The following CSMD1 variants were observed in gnomAD, a reference collection of about 807,000 sequenced individuals.
CSMD1 encodes the protein CUB and sushi domain-containing protein 1.
A neutral mutation model predicts 417.5 loss-of-function variants in CSMD1; 213 were observed. The ratio of observed to expected loss-of-function variants is 0.51; its 90% CI spans 0.46 to 0.57. CSMD1 has a LOEUF of 0.57. CSMD1 is among the 20% of genes least tolerant of loss of function. The pLI, the probability that CSMD1 is intolerant of heterozygous loss-of-function variation, is 0.00. For missense variants in CSMD1, 6,923 were observed against 4,529.7 expected (o/e 1.53, Z -15.17); for synonymous variants, 2,862 against 1,736.8 (o/e 1.65, Z -16.11).
intron 2 of CSMD1, among the ~76,000 whole-genome samples, chr8:4,424,366 G>GA (rs1797423439): frequency 6.6e-6 from 1 of 151,570 alleles, no homozygotes; most frequent in African/African-American, 2.4e-5. Context: ...AATCCAATTA[G>GA]AAAATAGGCA....
chr8:4,453,441 G>C (rs572478482), intron 2 of CSMD1, among the ~76,000 whole-genome samples: 2 of 152,340 alleles, frequency 1.3e-5, no homozygotes, highest in East Asian at 3.9e-4. Context: ...TCACCCGTGT[G>C]TTGGTGCAGC....
intron 1 of CSMD1, among the ~76,000 whole-genome samples, chr8:4,651,371 A>G (rs552950229): frequency 1.3e-4 from 20 of 152,310 alleles, no homozygotes; most frequent in African/African-American, 4.8e-4. Flanking sequence ...GATCAGCTCA[A>G]GCAGTGCATT....
chr8:3,324,005 C>A (rs113641381), intron 23 of CSMD1, among the ~76,000 whole-genome samples: 3 of 137,084 alleles, frequency 2.2e-5, no homozygotes, highest in Non-Finnish European at 3.1e-5. Flanking sequence ...CACATCTAAC[C>A]CCCAGAGACC....
intron 3 of CSMD1, among the ~76,000 whole-genome samples, chr8:4,322,162 T>C (rs1009590937): frequency 3.3e-5 from 5 of 152,218 alleles, no homozygotes; most frequent in Admixed American, 6.5e-5. Flanking sequence ...TGAAATAACA[T>C]TGCTAAAAGT....
chr8:4,116,246 A>T (rs1311729966), intron 3 of CSMD1, among the ~76,000 whole-genome samples: 6 of 152,042 alleles, frequency 3.9e-5, no homozygotes, highest in Non-Finnish European at 8.8e-5. Flanking sequence ...CACAAGCCTC[A>T]GCCTCCCACA....
At chr8:4,445,290 G>A (rs907864569) in intron 2 of CSMD1, among the ~76,000 whole-genome samples, 8 of 151,956 alleles carry the variant, frequency 5.3e-5, no homozygotes, top group African/African-American at 1.2e-4. Flanking sequence ...ATGACATTCC[G>A]TTAGTTATAT....
At chr8:4,287,799 C>T (rs1229137944) in intron 3 of CSMD1, among the ~76,000 whole-genome samples, 1 of 151,876 alleles carries the variant, frequency 6.6e-6, no homozygotes, top group African/African-American at 2.4e-5. Context: ...ACTATCTCTC[C>T]TCCAACCTCT....
intron 7 of CSMD1, among the ~76,000 whole-genome samples, chr8:3,675,872 A>G (rs968612187): frequency 5.9e-5 from 9 of 152,184 alleles, no homozygotes; most frequent in African/African-American, 2.2e-4. Context: ...GACTAACGCT[A>G]CTTCTCATGA....
intron 43 of CSMD1, among the ~76,000 whole-genome samples, chr8:3,109,344 T>C (rs1306539313): frequency 6.6e-6 from 1 of 152,208 alleles, no homozygotes; most frequent in Non-Finnish European, 1.5e-5. Flanking sequence ...GCTTAATCTA[T>C]GGGGCATGGC....
intron 3 of CSMD1, among the ~76,000 whole-genome samples, chr8:4,193,001 T>C (rs532736785): frequency 1.3e-5 from 2 of 152,236 alleles, no homozygotes; most frequent in Non-Finnish European, 2.9e-5. Flanking sequence ...TGCAATCATA[T>C]CTTTGTAACT....
intron 3 of CSMD1, among the ~76,000 whole-genome samples, chr8:4,176,239 T>A (rs1798035093): frequency 6.6e-6 from 1 of 152,008 alleles, no homozygotes; most frequent in Non-Finnish European, 1.5e-5. Flanking sequence ...TTATGTACGT[T>A]CTTATATACA....
intron 10 of CSMD1, among the ~76,000 whole-genome samples, chr8:3,501,370 C>A (rs552558253): frequency 6.6e-6 from 1 of 152,224 alleles, no homozygotes; most frequent in African/African-American, 2.4e-5. Context: ...GATGTTCTTC[C>A]GTAAACTACA....
chr8:3,284,019 T>A, intron 26 of CSMD1, 125 bp downstream of exon 26: 3 of 872,030 alleles, frequency 3.4e-6, no homozygotes, highest in Non-Finnish European at 5.4e-6. Flanking sequence ...TTTTCCTAAC[T>A]TCAAATTAGG....
chr8:3,356,884 T>C (rs953008997), intron 21 of CSMD1, among the ~76,000 whole-genome samples: 1 of 152,094 alleles, frequency 6.6e-6, no homozygotes, highest in African/African-American at 2.4e-5. Context: ...GTGATTGCTC[T>C]GATTAGTAGG....
chr8:4,453,577 G>A (rs142134110), intron 2 of CSMD1, among the ~76,000 whole-genome samples: 5 of 152,034 alleles, frequency 3.3e-5, no homozygotes, highest in Non-Finnish European at 7.4e-5. Context: ...GGCTTATATC[G>A]CTTGAACAAT....
At chr8:3,756,837 G>A (rs184947503) in intron 5 of CSMD1, among the ~76,000 whole-genome samples, 14 of 151,364 alleles carry the variant, frequency 9.2e-5, no homozygotes, top group African/African-American at 3.1e-4. Flanking sequence ...GCTCTTTCAC[G>A]CAGGCTGGAG....
chr8:4,625,027 G>C (rs755543984), intron 2 of CSMD1, among the ~76,000 whole-genome samples: 1 of 152,120 alleles, frequency 6.6e-6, no homozygotes, highest in Non-Finnish European at 1.5e-5. Context: ...ATACCATAGA[G>C]ATCATGAGAA....
intron 5 of CSMD1, among the ~76,000 whole-genome samples, chr8:3,770,054 A>C (rs1200537474): frequency 1.3e-5 from 2 of 152,144 alleles, no homozygotes; most frequent in Non-Finnish European, 2.9e-5. Flanking sequence ...ATTCCTGATC[A>C]GGGAAGGCTT....
intron 2 of CSMD1, among the ~76,000 whole-genome samples, chr8:4,520,521 G>A (rs1223494485): frequency 2.0e-5 from 3 of 152,124 alleles, no homozygotes; most frequent in East Asian, 1.9e-4. Context: ...AAGACATCCC[G>A]ATAGGTGTCT....
Sources: allele counts gnomAD v4.1 joint callset (sites outside exome capture counted in the v4.1 genomes callset), GRCh38; gene constraint gnomAD v4.1.1; transcripts MANE v1.5; gene names NCBI Gene and HGNC (gene_info 2026-07-23, HGNC 2026-07-21).